Variants in RPSA2 observed in about 807,000 individuals in gnomAD.
RPSA2 encodes the protein ribosomal protein SA 2.
the RPSA2 span, among the ~76,000 whole-genome samples, chr19:23,812,648 C>G: frequency 1.3e-5 from 2 of 152,064 alleles, no homozygotes; most frequent in Admixed American, 1.3e-4. Context: ...ATCTGCCCAC[C>G]TCAGCATCTC....
At chr19:23,865,114 C>G in the RPSA2 span, among the ~76,000 whole-genome samples, 1 of 152,140 alleles carries the variant, frequency 6.6e-6, no homozygotes, top group Non-Finnish European at 1.5e-5. Flanking sequence ...TGCTGGAGCA[C>G]AGGAAGTGAA....
the RPSA2 span, among the ~76,000 whole-genome samples, chr19:23,801,270 T>A: frequency 7.2e-6 from 1 of 138,046 alleles, no homozygotes; most frequent in African/African-American, 2.7e-5. Context: ...GGATGGAGTC[T>A]TGCTCTGTCA....
chr19:23,805,322 GC>G, the RPSA2 span, among the ~76,000 whole-genome samples: 7 of 151,880 alleles, frequency 4.6e-5, no homozygotes, highest in African/African-American at 1.7e-4. Context: ...GTGCCACCAC[GC>G]CCTGCTAATT....
At chr19:23,828,799 T>C in the RPSA2 span, among the ~76,000 whole-genome samples, 148,691 of 152,020 alleles carry the variant, frequency 0.98, 72,810 homozygotes, top group Middle Eastern at 1. Context: ...AGTCTGTTCT[T>C]TTATTAACAT....
At chr19:23,853,079 A>G in the RPSA2 span, among the ~76,000 whole-genome samples, 1 of 152,254 alleles carries the variant, frequency 6.6e-6, no homozygotes, top group African/African-American at 2.4e-5. Context: ...TCCAATATAA[A>G]GCTGGCAGAT....
At chr19:23,851,007 C>T in the RPSA2 span, among the ~76,000 whole-genome samples, 8 of 152,180 alleles carry the variant, frequency 5.3e-5, no homozygotes, top group Admixed American at 2.0e-4. Flanking sequence ...AAAAGCCTTA[C>T]ATATCCAGGG....
the RPSA2 span, among the ~76,000 whole-genome samples, chr19:23,791,672 C>T: frequency 1.3e-5 from 2 of 152,118 alleles, no homozygotes; most frequent in Non-Finnish European, 2.9e-5. Flanking sequence ...AATTTCCCCT[C>T]CCTAATTCAC....
At chr19:23,832,650 TG>T in the RPSA2 span, 2 of 1,467,540 alleles carry the variant, frequency 1.4e-6, no homozygotes, top group Non-Finnish European at 1.8e-6. Context: ...GTGAAGAAGG[TG>T]GCAAAGCATT....
the RPSA2 span, among the ~76,000 whole-genome samples, chr19:23,844,406 G>C: frequency 6.6e-6 from 1 of 152,046 alleles, no homozygotes; most frequent in African/African-American, 2.4e-5. Context: ...GATACCCAAT[G>C]GTGAAATTTC....
chr19:23,819,974 G>C, the RPSA2 span, among the ~76,000 whole-genome samples: 148,939 of 152,264 alleles, frequency 0.98, 72,936 homozygotes, highest in Middle Eastern at 1. Flanking sequence ...AGGGGCAGTC[G>C]AAATCCAGGG....
the RPSA2 span, among the ~76,000 whole-genome samples, chr19:23,852,792 C>T: frequency 6.6e-6 from 1 of 152,142 alleles, no homozygotes; most frequent in African/African-American, 2.4e-5. Context: ...CAATAGTTAC[C>T]CAAAAGTTTT....
chr19:23,800,946 C>T, the RPSA2 span, among the ~76,000 whole-genome samples: 1 of 152,248 alleles, frequency 6.6e-6, no homozygotes, highest in East Asian at 1.9e-4. Flanking sequence ...CAGATATTAA[C>T]CATTTTACTT....
At chr19:23,800,094 T>A in the RPSA2 span, among the ~76,000 whole-genome samples, 2 of 151,170 alleles carry the variant, frequency 1.3e-5, no homozygotes, top group African/African-American at 4.9e-5. Flanking sequence ...AGTGGTGTGA[T>A]CTCAGCTCTT....
At chr19:23,855,446 G>A in the RPSA2 span, among the ~76,000 whole-genome samples, 3 of 152,256 alleles carry the variant, frequency 2.0e-5, no homozygotes, top group Non-Finnish European at 2.9e-5. Flanking sequence ...AAGATTGAGT[G>A]GCACATACTG....
the RPSA2 span, among the ~76,000 whole-genome samples, chr19:23,826,760 A>G: frequency 2.6e-5 from 4 of 152,198 alleles, no homozygotes; most frequent in African/African-American, 7.2e-5. Context: ...ATCTTGGCTC[A>G]CTGCAACCTC....
the RPSA2 span, among the ~76,000 whole-genome samples, chr19:23,792,209 A>G: frequency 6.6e-6 from 1 of 152,230 alleles, no homozygotes; most frequent in Non-Finnish European, 1.5e-5. Flanking sequence ...AACCAAGTTA[A>G]TAACTCTGAC....
the RPSA2 span, chr19:23,833,011 A>T: frequency 7.1e-7 from 1 of 1,415,056 alleles, no homozygotes; most frequent in Non-Finnish European, 9.4e-7. Context: ...GCAGTCTTCA[A>T]TTTTTGCTAA....
At chr19:23,847,729 C>T in the RPSA2 span, among the ~76,000 whole-genome samples, 11 of 152,136 alleles carry the variant, frequency 7.2e-5, no homozygotes, top group African/African-American at 2.4e-4. Flanking sequence ...CCTGAGGGTA[C>T]TGCAGGAGAC....
At chr19:23,848,623 C>T in the RPSA2 span, among the ~76,000 whole-genome samples, 3 of 152,186 alleles carry the variant, frequency 2.0e-5, no homozygotes, top group East Asian at 5.8e-4. Context: ...GACCATTTCC[C>T]ATGAATGATC....
Sources: allele counts gnomAD v4.1 joint callset (sites outside exome capture counted in the v4.1 genomes callset), GRCh38; gene constraint gnomAD v4.1.1; transcripts MANE v1.5; gene names NCBI Gene and HGNC (gene_info 2026-07-23, HGNC 2026-07-21).